The following CDH4 variants were observed in gnomAD, a reference collection of about 807,000 sequenced individuals.
The protein encoded by CDH4 is cadherin 4.
In CDH4, 33 loss-of-function variants were observed where a neutral mutation model predicts 86.0. That is an observed-to-expected ratio of 0.38 (90% CI 0.29 to 0.51). CDH4 has a LOEUF of 0.51. Among genes scored for constraint, CDH4 ranks in the 20% least tolerant of loss-of-function variants. The probability of loss-of-function intolerance (pLI) is 0.86; values close to 1 mark genes in which losing one functional copy is unlikely to be tolerated. For synonymous variants in CDH4, 555 were observed against 549.4 expected, an observed-to-expected ratio of 1.01 and a Z score of -0.14; for missense variants, 1,114 against 1,307.4, an observed-to-expected ratio of 0.85 and a Z score of 2.28.
At chr20:61,723,950 G>A (rs1316869322) in intron 2 of CDH4, among the ~76,000 whole-genome samples, 1 of 145,742 alleles carries the variant, frequency 6.9e-6, no homozygotes, top group Non-Finnish European at 1.5e-5. Flanking sequence ...CCCCATGCAG[G>A]GGGCACAGGA....
At chr20:61,875,720 C>G in intron 7 of CDH4, among the ~76,000 whole-genome samples, 1 of 152,342 alleles carries the variant, frequency 6.6e-6, no homozygotes, top group East Asian at 1.9e-4. Context: ...CCAGCGCCCG[C>G]TCCGCTCAGA....
At chr20:61,739,633 C>G (rs896354919) in intron 2 of CDH4, among the ~76,000 whole-genome samples, 2 of 152,234 alleles carry the variant, frequency 1.3e-5, no homozygotes, top group Non-Finnish European at 2.9e-5. Flanking sequence ...GAGTGCGGGT[C>G]CTGGATGGGG....
At chr20:61,475,874 AG>A (rs1432677690) in intron 2 of CDH4, among the ~76,000 whole-genome samples, 2 of 151,924 alleles carry the variant, frequency 1.3e-5, no homozygotes, top group African/African-American at 4.8e-5. Flanking sequence ...TCTGAAAGAA[AG>A]CTTTCTTGCA....
At chr20:61,593,864 A>G (rs1254043357) in intron 2 of CDH4, among the ~76,000 whole-genome samples, 1 of 151,126 alleles carries the variant, frequency 6.6e-6, no homozygotes, top group East Asian at 2.0e-4. Context: ...GCTGCTCACC[A>G]AGGGTCCCCC....
chr20:61,767,642 C>T (rs2088716256), intron 3 of CDH4, among the ~76,000 whole-genome samples: 1 of 152,180 alleles, frequency 6.6e-6, no homozygotes, highest in Non-Finnish European at 1.5e-5. Context: ...GCCCACTGTC[C>T]TATAGGCAGG....
intron 2 of CDH4, among the ~76,000 whole-genome samples, chr20:61,697,093 C>G (rs2087722314): frequency 6.6e-6 from 1 of 152,174 alleles, no homozygotes; most frequent in African/African-American, 2.4e-5. Context: ...CTTCTGAAAT[C>G]AAGAATGTGT....
rs1384893004 is a variant in CDH4 at position 61,901,755 on chromosome 20, A to G, written c.1188+6708A>G. Among the ~76,000 whole-genome samples, 7 of 152,236 alleles carry G rather than the reference A, an allele frequency of 4.6e-5. No individual in the cohort carries two copies. In the South Asian group the frequency reaches 1.4e-3, roughly 32 times the overall value. On this transcript the variant is annotated intron_variant, in intron 8 of 15. Coordinates refer to ENST00000614565, the MANE Select transcript of CDH4 (RefSeq NM_001794.5). ...GAGTAAGCGGCAGCTCAGTGAAAGC[A>G]TCAATCCCACGCTGGCCCATGGGGT...
At chr20:61,736,808 G>T (rs1328143698) in intron 2 of CDH4, among the ~76,000 whole-genome samples, 5 of 152,144 alleles carry the variant, frequency 3.3e-5, no homozygotes, top group African/African-American at 1.2e-4. Flanking sequence ...CCCGGGGCGG[G>T]GGCCACAGAA....
At chr20:61,576,864 C>T (rs1054707500) in intron 2 of CDH4, among the ~76,000 whole-genome samples, 2 of 152,202 alleles carry the variant, frequency 1.3e-5, no homozygotes, top group African/African-American at 4.8e-5. Context: ...CACCAATCCA[C>T]AGTTAGCCCC....
chr20:61,409,690 G>T (rs6061352), intron 2 of CDH4, among the ~76,000 whole-genome samples: 35,636 of 152,270 alleles, frequency 0.23, 9,946 homozygotes, highest in African/African-American at 0.67. Context: ...CAGAGATACC[G>T]GCAACTTTTC....
intron 2 of CDH4, among the ~76,000 whole-genome samples, chr20:61,373,973 G>A (rs1471948412): frequency 1.3e-5 from 2 of 151,310 alleles, no homozygotes; most frequent in South Asian, 2.1e-4. Flanking sequence ...TGGGGCAGTG[G>A]TGTTCTCTAG....
chr20:61,803,996 G>GTAT (rs1195070252), intron 4 of CDH4, among the ~76,000 whole-genome samples: 1 of 152,240 alleles, frequency 6.6e-6, no homozygotes, highest in Non-Finnish European at 1.5e-5. Flanking sequence ...TGTTTAGCAA[G>GTAT]TATCTCTTGT....
intron 2 of CDH4, among the ~76,000 whole-genome samples, chr20:61,617,152 C>T (rs1188563364): frequency 6.6e-6 from 1 of 152,228 alleles, no homozygotes; most frequent in Non-Finnish European, 1.5e-5. Context: ...CACCACCGCC[C>T]TCTGTGCTGC....
At chr20:61,911,532 G>A (rs2054850948) in intron 9 of CDH4, among the ~76,000 whole-genome samples, 1 of 152,224 alleles carries the variant, frequency 6.6e-6, no homozygotes, top group Non-Finnish European at 1.5e-5. Flanking sequence ...AGCACATTGG[G>A]CATTTTTAGA....
In CDH4 at chr20:61,543,209, C is replaced by T. The variant is rs532339800; in HGVS notation, c.170-200354C>T. ...CTCAAATGTTAACCTTCTTTGGCAA[C>T]GCCCTCACAGACACACCCAGGAGCA... On this transcript the variant is annotated intron_variant, in intron 2 of 15. Coordinates refer to ENST00000614565, the MANE Select transcript of CDH4 (RefSeq NM_001794.5). 1.7e-4 allele frequency among the ~76,000 whole-genome samples: 26 copies of T among 152,342 alleles called. No individual in the cohort carries two copies. The South Asian group carries it at 2.9e-3, about 17-fold the overall frequency.
chr20:61,801,868 C>T (rs1023711108), intron 4 of CDH4, among the ~76,000 whole-genome samples: 3 of 152,226 alleles, frequency 2.0e-5, no homozygotes, highest in African/African-American at 7.2e-5. Context: ...CAGGATGGGC[C>T]TCATCTCAAG....
chr20:61,759,503 C>T (rs547092555), intron 3 of CDH4, among the ~76,000 whole-genome samples: 5 of 152,296 alleles, frequency 3.3e-5, no homozygotes, highest in East Asian at 3.9e-4. Flanking sequence ...GCGTTTATCG[C>T]GGTCCTCACC....
intron 4 of CDH4, among the ~76,000 whole-genome samples, chr20:61,786,440 G>A (rs1267475155): frequency 6.6e-6 from 1 of 152,130 alleles, no homozygotes; most frequent in Non-Finnish European, 1.5e-5. Context: ...TGTGAAGAAA[G>A]CAATCATTTT....
intron 3 of CDH4, among the ~76,000 whole-genome samples, chr20:61,765,582 G>A (rs898437122): frequency 1.3e-5 from 2 of 152,220 alleles, no homozygotes; most frequent in Non-Finnish European, 2.9e-5. Flanking sequence ...AAGAGGAGGA[G>A]GAGGAGGAGG....
Sources: allele counts gnomAD v4.1 joint callset (sites outside exome capture counted in the v4.1 genomes callset), GRCh38; gene constraint gnomAD v4.1.1; transcripts MANE v1.5; gene names NCBI Gene and HGNC (gene_info 2026-07-23, HGNC 2026-07-21).